The following CUZD1 variants were observed in gnomAD, a reference collection of about 807,000 sequenced individuals.
CUZD1 encodes CUB and zona pellucida like domains 1.
In CUZD1, 42 loss-of-function variants were observed where a neutral mutation model predicts 53.1. The observed-to-expected ratio is 0.79, with a 90% CI of 0.62 to 1.02. CUZD1 has a LOEUF of 1.02. CUZD1 is among the 50% of genes least tolerant of loss of function. The probability of loss-of-function intolerance (pLI) is 0.00; values close to 1 mark genes in which losing one functional copy is unlikely to be tolerated. For missense variants in CUZD1, 670 were observed against 715.7 expected, an observed-to-expected ratio of 0.94 and a Z score of 0.73; for synonymous variants, 238 against 257.2, an observed-to-expected ratio of 0.93 and a Z score of 0.71.
At chr10:122,840,655 T>C (rs140689923) in intron 2 of CUZD1, among the ~76,000 whole-genome samples, 1 of 152,206 alleles carries the variant, frequency 6.6e-6, no homozygotes, top group African/African-American at 2.4e-5. Context: ...ACCTGGGCAC[T>C]TATAAAAAGC....
At chr10:122,840,425 G>A (rs905615608) in intron 2 of CUZD1, among the ~76,000 whole-genome samples, 9 of 152,126 alleles carry the variant, frequency 5.9e-5, no homozygotes, top group African/African-American at 2.2e-4. Context: ...CGTAAGAGGG[G>A]GGCTCTGGAG....
intron 8 of CUZD1, among the ~76,000 whole-genome samples, chr10:122,832,969 TTC>T (rs1374563254): frequency 6.6e-6 from 1 of 152,250 alleles, no homozygotes; most frequent in Non-Finnish European, 1.5e-5. Flanking sequence ...ACTTTTGTTT[TTC>T]TGTTTTTGCC....
chr10:122,838,917 G>A lies in CUZD1; in HGVS notation c.448+100C>T, dbSNP rs185113456. 1.8e-4 allele frequency: 155 copies of A among 848,582 alleles called. No homozygotes were observed. In the African/African-American group the frequency reaches 2.4e-3, roughly 13 times the overall value. 52.6% of individuals were successfully genotyped at this position (848,582 alleles called of 1,614,324 possible). On this transcript the variant is annotated intron_variant, in intron 3 of 8. Coordinates refer to ENST00000392790, the MANE Select transcript of CUZD1 (RefSeq NM_022034.6). ...TCTCTCAGATAGAGAAGACTCTGAGGGAATATACTCAGACTGAAGATTATA... is the reference window on the plus strand; with the variant it reads ...TCTCTCAGATAGAGAAGACTCTGAGAGAATATACTCAGACTGAAGATTATA...
chr10:122,839,840 A>G (rs573395365), intron 2 of CUZD1, among the ~76,000 whole-genome samples: 1 of 152,328 alleles, frequency 6.6e-6, no homozygotes, highest in East Asian at 1.9e-4. Context: ...AAGTAAGACA[A>G]GGGTAGAGAA....
At chr10:122,843,448 A>G (rs983593771) in intron 1 of CUZD1, among the ~76,000 whole-genome samples, 27 of 152,176 alleles carry the variant, frequency 1.8e-4, no homozygotes, top group Admixed American at 1.3e-4. Context: ...ATGATGTGTA[A>G]ATAGTTGTTT....
Position 122,832,460 on chromosome 10 carries a change from G to T in CUZD1, c.1652-10C>A. The stretch of plus-strand genomic sequence containing the variant: ...GTTTCATGCTGAAATCCTAAAATTG[G>T]AAACAAGATGAAAATCACTTTTTAA... On this transcript the variant is annotated splice_polypyrimidine_tract_variant and intron_variant, in intron 8 of 8. Transcript: ENST00000392790. The T allele has an allele frequency of 6.2e-7, 1 of 1,611,412 alleles. No homozygotes were observed. Among genetic ancestry groups the T allele is most frequent in the Non-Finnish European group, 8.5e-7 (1 of 1,178,412 alleles).
At chr10:122,832,476 C>T in intron 8 of CUZD1, 26 bp from the exon 9 acceptor site, 3 of 1,610,134 alleles carry the variant, frequency 1.9e-6, no homozygotes, top group East Asian at 4.5e-5. Flanking sequence ...AGATGAAAAT[C>T]ACTTTTTAAG....
intron 2 of CUZD1, 83 bp downstream of exon 2, chr10:122,841,095 T>C: frequency 7.6e-7 from 1 of 1,310,206 alleles, no homozygotes; most frequent in Non-Finnish European, 1.1e-6. Flanking sequence ...GCAGCTGAAT[T>C]CTTTCTACAG....
In CUZD1 at chr10:122,845,837, G is replaced by C. The variant is rs779077600; in HGVS notation, c.7C>G (p.Leu3Val). The C allele has an allele frequency of 6.2e-7, 1 of 1,613,822 alleles. No individual in the cohort carries two copies. The highest frequency in any genetic ancestry group is 8.5e-7 in the Non-Finnish European group (1 of 1,179,888). Residue 3 changes from leucine (L) to valine (V), a missense_variant, in exon 1 of 9, where the codon CTT becomes GTT. Physicochemically the swap from Leu to Val is conservative, Grantham distance 32 (BLOSUM62 1). Transcript: ENST00000392790. ...GTCAATGGCATGAGCCTTCTTACAAGCTCCATTTTGGCAAGGCGCTGGGCA... is the reference window on the plus strand; with the variant it reads ...GTCAATGGCATGAGCCTTCTTACAACCTCCATTTTGGCAAGGCGCTGGGCA... ME[L>V]VRRLMPLTLL...
rs537258967 is a variant in CUZD1, at chr10:122,845,775, C to A, written c.69G>T (p.Met23Ile). Residue 23 changes from methionine (M) to isoleucine (I), a missense_variant, in exon 1 of 9, where the codon ATG becomes ATT. Physicochemically the swap from Met to Ile is conservative, Grantham distance 10. Transcript: ENST00000392790. ...LILSCLAELT[M>I]AEAEGNASCT... Reference sequence around the variant, plus strand: ...CAATTTTCTTACCTTCAGCCTCCGCCATTGTCAGCTCCGCCAAACAGGAGA... The same window carrying A: ...CAATTTTCTTACCTTCAGCCTCCGCAATTGTCAGCTCCGCCAAACAGGAGA... The A allele has an allele frequency of 8.7e-6, 14 of 1,613,906 alleles. No individual in the cohort carries two copies. In the East Asian group the frequency reaches 2.9e-4, roughly 33 times the overall value.
intron 1 of CUZD1, among the ~76,000 whole-genome samples, chr10:122,845,378 AT>A (rs546186239): frequency 6.6e-6 from 1 of 151,150 alleles, no homozygotes; most frequent in South Asian, 2.1e-4. Flanking sequence ...CCCAGCCATC[AT>A]TTTTTTTTAA....
At chr10:122,833,547 T>G (rs564574036) in intron 8 of CUZD1, 125 bp downstream of exon 8, 1 of 1,015,598 alleles carries the variant, frequency 9.8e-7, no homozygotes, top group East Asian at 2.4e-5. Flanking sequence ...TACTTAAAAT[T>G]CAACTTATTT....
chr10:122,842,427 A>G (rs894450669), intron 1 of CUZD1, among the ~76,000 whole-genome samples: 1 of 152,206 alleles, frequency 6.6e-6, no homozygotes, highest in Admixed American at 6.5e-5. Flanking sequence ...TCAAAGGACC[A>G]TATTTGTGTG....
Position 122,836,928 on chromosome 10 carries a change from T to C in CUZD1, c.720A>G (p.Ser240=). The C allele has an allele frequency of 6.2e-7, 1 of 1,614,122 alleles. No homozygotes were observed. The highest frequency in any genetic ancestry group is 8.5e-7 in the Non-Finnish European group (1 of 1,179,974). The change falls in exon 5 of 9, where the codon TCA becomes TCG. Residue 240 remains serine, a synonymous_variant. Coordinates refer to ENST00000392790, the MANE Select transcript of CUZD1 (RefSeq NM_022034.6). The stretch of plus-strand genomic sequence containing the variant: ...TAGACAACACGACAGTCAGAGAGTT[T>C]GATGACGATTCGAAGGTGGGAGTCA... ...GRVTPTFESS[S]NSLTVVLSTD... is the part of the protein sequence containing the mutation.
chr10:122,837,495 A>C lies in CUZD1; in HGVS notation c.508T>G (p.Tyr170Asp). The change falls in exon 4 of 9, where the codon TAC (tyrosine) becomes GAC (aspartate). Residue 170 changes from tyrosine (Y) to aspartate (D), a missense_variant. Physicochemically the swap from Tyr to Asp is radical, Grantham distance 160 (BLOSUM62 -3). Coordinates refer to ENST00000392790, the MANE Select transcript of CUZD1 (RefSeq NM_022034.6). ...GCCAGCTCAGGATGCGGCTTTGGGT[A>C]ATTGGGGCTGGTGAAGGATCCTTCC... ...TLEGSFTSPN[Y>D]PKPHPELAYC... 6.2e-7 allele frequency: 1 copy of C among 1,610,660 alleles called. No individual in the cohort carries two copies. The highest frequency in any genetic ancestry group is 8.5e-7 in the Non-Finnish European group (1 of 1,178,748).
intron 2 of CUZD1, among the ~76,000 whole-genome samples, chr10:122,840,211 GGC>G (rs1847318272): frequency 6.6e-6 from 1 of 152,140 alleles, no homozygotes; most frequent in Non-Finnish European, 1.5e-5. Flanking sequence ...AGTGGTACAG[GGC>G]TATGGTTCTC....
rs41290632 is a variant in CUZD1 at position 122,835,116 on chromosome 10, T to C, written c.991-19A>G. 49,878 of 1,508,610 alleles carry C rather than the reference T, an allele frequency of 0.033. 1,023 individuals carry two copies. The highest frequency in any genetic ancestry group is 0.038 in the Non-Finnish European group (42,748 of 1,127,768). 93.5% of individuals were successfully genotyped at this position (1,508,610 alleles called of 1,614,324 possible). A position where few individuals can be genotyped will look rare whatever the true frequency, so the allele number is the denominator to read the frequency against. On this transcript the variant is annotated intron_variant, in intron 6 of 8. Transcript: ENST00000392790. ...CTTCTACCTGCAGAACGAGATAGAA[T>C]TCAATTTTTATATTTTAAGTCCAGT...
chr10:122,844,017 T>C (rs1566239296), intron 1 of CUZD1, among the ~76,000 whole-genome samples: 1 of 148,588 alleles, frequency 6.7e-6, no homozygotes, highest in Admixed American at 6.8e-5. Flanking sequence ...AGAGACTATA[T>C]ATAAATATAT....
chr10:122,845,687 GA>G, intron 1 of CUZD1, 74 bp downstream of exon 1: 1 of 1,309,324 alleles, frequency 7.6e-7, no homozygotes, highest in Non-Finnish European at 1.1e-6. Context: ...TAAACACTTT[GA>G]AAAATTTTGA....
Sources: allele counts gnomAD v4.1 joint callset (sites outside exome capture counted in the v4.1 genomes callset), GRCh38; gene constraint gnomAD v4.1.1; transcripts MANE v1.5; gene names NCBI Gene and HGNC (gene_info 2026-07-23, HGNC 2026-07-21).